The following CDON variants were observed in gnomAD, a reference collection of about 807,000 sequenced individuals.
CDON encodes cell adhesion associated, oncogene regulated, also known as cell adhesion molecule-related/down-regulated by oncogenes.
A neutral mutation model predicts 120.9 loss-of-function variants in CDON; 73 were observed. The ratio of observed to expected loss-of-function variants is 0.60; its 90% CI spans 0.50 to 0.73. The LOEUF (loss-of-function observed/expected upper bound fraction) is 0.73. CDON is among the 30% of genes least tolerant of loss of function. CDON has a pLI of 0.00. For missense variants in CDON, 1,470 were observed against 1,587.3 expected (o/e 0.93, Z 1.26); for synonymous variants, 566 against 573.5 (o/e 0.99, Z 0.19).
At chr11:126,059,625 G>A (rs1285873381) in intron 1 of CDON, among the ~76,000 whole-genome samples, 3 of 151,998 alleles carry the variant, frequency 2.0e-5, no homozygotes, top group Non-Finnish European at 4.4e-5. Context: ...GAGCCGCTTC[G>A]GGGATCAAGA....
intron 1 of CDON, among the ~76,000 whole-genome samples, chr11:126,030,482 A>G (rs1169486186): frequency 1.3e-5 from 2 of 152,238 alleles, no homozygotes; most frequent in African/African-American, 4.8e-5. Context: ...TTTGTGAACA[A>G]AAACTTGGCT....
At chr11:125,969,246 C>T (rs1447492673) in intron 18 of CDON, among the ~76,000 whole-genome samples, 2 of 152,208 alleles carry the variant, frequency 1.3e-5, no homozygotes, top group African/African-American at 2.4e-5. Context: ...GATCCGCCTG[C>T]CTTAGTCTCC....
chr11:126,028,684 TAAAA>T (rs1947864779), intron 1 of CDON, among the ~76,000 whole-genome samples: 1 of 151,704 alleles, frequency 6.6e-6, no homozygotes, highest in African/African-American at 2.4e-5. Context: ...TCTTCATAAA[TAAAA>T]CTTTTAACAG....
chr11:125,969,148 G>A (rs1260737617), intron 18 of CDON, among the ~76,000 whole-genome samples: 5 of 152,222 alleles, frequency 3.3e-5, no homozygotes, highest in Admixed American at 6.5e-5. Flanking sequence ...ACAGGCATGC[G>A]CCACCATGCC....
At chr11:126,025,098 G>A (rs776333366) in intron 1 of CDON, among the ~76,000 whole-genome samples, 18 of 152,192 alleles carry the variant, frequency 1.2e-4, no homozygotes, top group South Asian at 2.1e-4. Context: ...CCAGCTACTC[G>A]GGAGGCTGAG....
intron 14 of CDON, among the ~76,000 whole-genome samples, chr11:125,991,427 AG>A: frequency 6.6e-6 from 1 of 152,340 alleles, no homozygotes; most frequent in East Asian, 1.9e-4. Flanking sequence ...CTTAAAGATC[AG>A]AATGACTGAT....
chr11:126,049,101 T>C (rs779339220), intron 1 of CDON, among the ~76,000 whole-genome samples: 31 of 152,224 alleles, frequency 2.0e-4, no homozygotes, highest in Admixed American at 2.6e-4. Context: ...CATTTAATTA[T>C]AACCTAAAAA....
intron 18 of CDON, among the ~76,000 whole-genome samples, chr11:125,968,502 A>G (rs1218579937): frequency 1.3e-5 from 2 of 152,238 alleles, no homozygotes; most frequent in East Asian, 3.8e-4. Flanking sequence ...CACAGGTTTT[A>G]TGGGGAGCTA....
At chr11:125,974,390 AAGGGAGGGAGGGAGGGAGGGAGGG>A (rs149644937) in intron 18 of CDON, among the ~76,000 whole-genome samples, 14 of 46,036 alleles carry the variant, frequency 3.0e-4, no homozygotes, top group Non-Finnish European at 3.9e-4. Flanking sequence ...GGAAGGAAGG[AAGGGAGGGAGGGAGGGAGGGAGGG>A]AGGGAGGGAG....
At chr11:126,033,012 C>T (rs1448067327) in intron 1 of CDON, among the ~76,000 whole-genome samples, 1 of 152,152 alleles carries the variant, frequency 6.6e-6, no homozygotes, top group Non-Finnish European at 1.5e-5. Flanking sequence ...CTGTGATCAA[C>T]AGGACTTTGA....
At chr11:126,043,653 G>GCACCC (rs1185322909) in intron 1 of CDON, among the ~76,000 whole-genome samples, 6 of 152,192 alleles carry the variant, frequency 3.9e-5, no homozygotes, top group Non-Finnish European at 7.3e-5. Flanking sequence ...AAGACAGGGT[G>GCACCC]AGGTTTGCAC....
intron 7 of CDON, among the ~76,000 whole-genome samples, chr11:126,012,251 G>A (rs527912567): frequency 1.3e-5 from 2 of 152,082 alleles, no homozygotes; most frequent in African/African-American, 4.8e-5. Context: ...AAAATTTTTA[G>A]ACCAGATAAC....
chr11:126,010,983 T>C, intron 7 of CDON: 1 of 477,618 alleles, frequency 2.1e-6, no homozygotes, highest in Non-Finnish European at 4.1e-6. Context: ...ACACTACACA[T>C]ATCTGACCAC....
intron 1 of CDON, among the ~76,000 whole-genome samples, chr11:126,060,295 C>T (rs1948764663): frequency 6.6e-6 from 1 of 152,144 alleles, no homozygotes; most frequent in Non-Finnish European, 1.5e-5. Context: ...GTATTAAGTT[C>T]ATTTACTTAA....
rs1945621022 is a variant in CDON, at chr11:125,960,825, A to C, written c.*117T>G. On this transcript the variant is annotated 3_prime_UTR_variant, in exon 20 of 20. Coordinates refer to ENST00000531738, the MANE Select transcript of CDON (RefSeq NM_001378964.1). ...ATTCATATGACATTACTACTACAAAAAAATAAATAATGATTTTCTCTGATT... is the reference window on the plus strand; with the variant it reads ...ATTCATATGACATTACTACTACAAACAAATAAATAATGATTTTCTCTGATT... The C allele has an allele frequency of 3.0e-6, 3 of 995,116 alleles. No individual in the cohort carries two copies. The highest frequency in any genetic ancestry group is 2.6e-5 in the South Asian group (2 of 75,598). 61.6% of individuals were successfully genotyped at this position (995,116 alleles called of 1,614,324 possible). A position where few individuals can be genotyped will look rare whatever the true frequency, so the allele number is the denominator to read the frequency against.
chr11:125,968,286 G>A (rs949014065), intron 18 of CDON, among the ~76,000 whole-genome samples: 1 of 152,072 alleles, frequency 6.6e-6, no homozygotes, highest in Non-Finnish European at 1.5e-5. Flanking sequence ...GCTTCCTTCT[G>A]TTTAATTTCT....
chr11:126,017,511 T>C (rs1947506125), intron 5 of CDON, 136 bp from the exon 6 acceptor site: 5 of 839,812 alleles, frequency 6.0e-6, no homozygotes, highest in Non-Finnish European at 9.3e-6. Context: ...AAATCCTTTT[T>C]AGTTGAGGAT....
chr11:125,987,136 T>C (rs746779600), intron 15 of CDON, among the ~76,000 whole-genome samples: 27 of 152,222 alleles, frequency 1.8e-4, no homozygotes, highest in Non-Finnish European at 2.4e-4. Flanking sequence ...TTTGTAATTC[T>C]ACCAAGCTTC....
intron 18 of CDON, 120 bp downstream of exon 18, chr11:125,978,184 T>A (rs1946197033): frequency 5.5e-6 from 4 of 722,568 alleles, no homozygotes; most frequent in South Asian, 4.6e-5. Flanking sequence ...AATTTAAGAT[T>A]GCAAATCCTG....
Sources: allele counts gnomAD v4.1 joint callset (sites outside exome capture counted in the v4.1 genomes callset), GRCh38; gene constraint gnomAD v4.1.1; transcripts MANE v1.5; gene names NCBI Gene and HGNC (gene_info 2026-07-23, HGNC 2026-07-21).